The following MAML2 variants were observed in gnomAD, a reference collection of about 807,000 sequenced individuals.
MAML2 encodes mastermind like transcriptional coactivator 2.
A neutral mutation model predicts 96.1 loss-of-function variants in MAML2; 22 were observed. The observed-to-expected ratio is 0.23, with a 90% confidence interval of 0.16 to 0.33. The LOEUF (loss-of-function observed/expected upper bound fraction) is 0.33, where lower values mean the gene tolerates loss of function less well. Ranked by LOEUF, MAML2 falls within the 10% of genes least tolerant of loss-of-function variation. MAML2 has a pLI of 1.00. For missense variants in MAML2, 1,367 were observed against 1,392.4 expected, an observed-to-expected ratio of 0.98 and a Z score of 0.29; for synonymous variants, 561 against 521.3, an observed-to-expected ratio of 1.08 and a Z score of -1.04.
intron 1 of MAML2, among the ~76,000 whole-genome samples, chr11:96,244,599 T>G (rs1440669639): frequency 6.6e-6 from 1 of 152,250 alleles, no homozygotes; most frequent in Non-Finnish European, 1.5e-5. Flanking sequence ...GAGCACTATG[T>G]GCCAATTATA....
At chr11:96,182,132 C>T (rs1168143448) in intron 1 of MAML2, among the ~76,000 whole-genome samples, 2 of 152,274 alleles carry the variant, frequency 1.3e-5, no homozygotes, top group Admixed American at 6.5e-5. Flanking sequence ...TGCGTGCCTC[C>T]GTTTTAATTT....
At chr11:96,309,890 A>G (rs1182993757) in intron 1 of MAML2, among the ~76,000 whole-genome samples, 1 of 151,680 alleles carries the variant, frequency 6.6e-6, no homozygotes, top group Non-Finnish European at 1.5e-5. Flanking sequence ...TTTTGTAGAG[A>G]TGGGTTTTTG....
intron 1 of MAML2, among the ~76,000 whole-genome samples, chr11:96,288,563 A>T (rs1049604736): frequency 6.7e-6 from 1 of 149,210 alleles, no homozygotes; most frequent in South Asian, 2.1e-4. Flanking sequence ...AAAAAAAAAC[A>T]ACCAAAAACA....
chr11:96,018,625 C>A (rs920403661), intron 2 of MAML2, among the ~76,000 whole-genome samples: 2 of 152,184 alleles, frequency 1.3e-5, no homozygotes, highest in African/African-American at 4.8e-5. Context: ...CCTGATAAGT[C>A]AAGCTCCGTC....
At chr11:96,243,700 C>T (rs1862471048) in intron 1 of MAML2, among the ~76,000 whole-genome samples, 1 of 145,732 alleles carries the variant, frequency 6.9e-6, no homozygotes, top group Non-Finnish European at 1.5e-5. Context: ...GTCGCCCAGG[C>T]TGGAGTGCAG....
At chr11:96,028,899 G>T (rs566605358) in intron 2 of MAML2, among the ~76,000 whole-genome samples, 1 of 152,048 alleles carries the variant, frequency 6.6e-6, no homozygotes, top group African/African-American at 2.4e-5. Context: ...CCAACACACA[G>T]ACCATTTTTT....
chr11:96,159,713 C>G (rs940468127), intron 1 of MAML2, among the ~76,000 whole-genome samples: 1 of 152,078 alleles, frequency 6.6e-6, no homozygotes, highest in Non-Finnish European at 1.5e-5. Flanking sequence ...TGTGAGCGAC[C>G]GCGCCCGGCC....
At chr11:96,280,627 C>T (rs1863052032) in intron 1 of MAML2, among the ~76,000 whole-genome samples, 1 of 152,204 alleles carries the variant, frequency 6.6e-6, no homozygotes, top group Non-Finnish European at 1.5e-5. Flanking sequence ...GGCTCGCACC[C>T]TCCCTAAGGT....
chr11:95,980,218 T>C (rs1222026384), intron 4 of MAML2, among the ~76,000 whole-genome samples: 1 of 152,206 alleles, frequency 6.6e-6, no homozygotes, highest in East Asian at 1.9e-4. Context: ...TTGTAGGTTT[T>C]ATTTTATTCC....
intron 1 of MAML2, among the ~76,000 whole-genome samples, chr11:96,301,610 G>A (rs1461649573): frequency 6.6e-6 from 1 of 152,190 alleles, no homozygotes; most frequent in African/African-American, 2.4e-5. Flanking sequence ...ATATCTCAGG[G>A]CTCTTCACTA....
At chr11:96,252,754 G>A (rs973543040) in intron 1 of MAML2, among the ~76,000 whole-genome samples, 1 of 152,134 alleles carries the variant, frequency 6.6e-6, no homozygotes. Flanking sequence ...GGTCATATCA[G>A]GTGTAAACAG....
At chr11:96,168,780 A>C (rs1358539270) in intron 1 of MAML2, among the ~76,000 whole-genome samples, 5 of 152,182 alleles carry the variant, frequency 3.3e-5, no homozygotes, top group Admixed American at 3.3e-4. Context: ...ATCAGGGAGG[A>C]AATGAAGTAC....
intron 1 of MAML2, among the ~76,000 whole-genome samples, chr11:96,259,496 G>A (rs1461800627): frequency 6.6e-6 from 1 of 152,186 alleles, no homozygotes; most frequent in Admixed American, 6.5e-5. Context: ...ATACAGAGAG[G>A]TGTCTTTAGC....
chr11:96,283,478 C>T (rs981560076), intron 1 of MAML2, among the ~76,000 whole-genome samples: 1 of 152,184 alleles, frequency 6.6e-6, no homozygotes, highest in African/African-American at 2.4e-5. Flanking sequence ...TTGTGTGCTA[C>T]AATCTTTTTC....
chr11:96,227,129 A>T (rs1011437408), intron 1 of MAML2, among the ~76,000 whole-genome samples: 8 of 152,198 alleles, frequency 5.3e-5, no homozygotes, highest in Non-Finnish European at 1.0e-4. Flanking sequence ...CTCTCTGCTT[A>T]GCTATCATGT....
intron 1 of MAML2, among the ~76,000 whole-genome samples, chr11:96,217,817 A>G (rs1862072641): frequency 6.6e-6 from 1 of 152,214 alleles, no homozygotes; most frequent in African/African-American, 2.4e-5. Flanking sequence ...ATTCATCCTT[A>G]AAAGTATTAA....
At chr11:96,002,875 G>T in intron 2 of MAML2, among the ~76,000 whole-genome samples, 1 of 145,002 alleles carries the variant, frequency 6.9e-6, no homozygotes, top group Non-Finnish European at 1.5e-5. Context: ...AAATGATGAT[G>T]GGGATGATGA....
At chr11:96,325,918 G>A (rs1275884834) in intron 1 of MAML2, among the ~76,000 whole-genome samples, 3 of 152,158 alleles carry the variant, frequency 2.0e-5, no homozygotes, top group Non-Finnish European at 4.4e-5. Flanking sequence ...TTCTAGCTCT[G>A]TGGGTAGAAA....
intron 2 of MAML2, among the ~76,000 whole-genome samples, chr11:96,088,745 T>C (rs1472469441): frequency 6.6e-6 from 1 of 152,168 alleles, no homozygotes; most frequent in Non-Finnish European, 1.5e-5. Context: ...AATTTTATTA[T>C]GCTGCATCCA....
Sources: gnomAD v4.1 joint callset for allele counts (sites outside exome capture counted in the v4.1 genomes callset) on GRCh38, gnomAD v4.1.1 for gene constraint, MANE v1.5 for transcripts, NCBI Gene and HGNC (gene_info 2026-07-23, HGNC 2026-07-21) for gene names.